The following EPHA4 variants were observed in gnomAD, a reference collection of about 807,000 sequenced individuals.
EPHA4 encodes the protein ephrin type-A receptor 4.
Under a neutral mutation model 108.3 loss-of-function variants are expected in EPHA4, and 19 were observed. The observed-to-expected ratio is 0.18, with a 90% CI of 0.12 to 0.26. EPHA4 has a LOEUF of 0.26. EPHA4 is among the 10% of genes least tolerant of loss of function. The pLI, the probability that EPHA4 is intolerant of heterozygous loss-of-function variation, is 1.00. For missense variants in EPHA4, 917 were observed against 1,254.0 expected (o/e 0.73, Z 4.06); for synonymous variants, 449 against 455.5 (o/e 0.99, Z 0.18).
At position 221,438,677 on chromosome 2, in the gene EPHA4, C is replaced by T. The variant is rs918794791; in HGVS notation, c.2075-1555G>A. ...GTACGCACTTGCAGTCCCAGCTTCT[C>T]GGGAGGCTGAGACAAGAGAATCACT... On this transcript the variant is annotated intron_variant, in intron 11 of 17. Transcript: ENST00000281821. Among the ~76,000 whole-genome samples the T allele has an allele frequency of 3.3e-5, 5 of 151,970 alleles. No individual in the cohort carries two copies. The South Asian group carries it at 6.3e-4, about 19-fold the overall frequency.
intron 5 of EPHA4, among the ~76,000 whole-genome samples, chr2:221,460,335 G>A (rs1691099945): frequency 6.6e-6 from 1 of 152,190 alleles, no homozygotes; most frequent in Non-Finnish European, 1.5e-5. Context: ...GAAAACTGCT[G>A]AGTTGACATT....
At chr2:221,491,274 T>C (rs1037233406) in intron 4 of EPHA4, among the ~76,000 whole-genome samples, 1 of 152,242 alleles carries the variant, frequency 6.6e-6, no homozygotes, top group Non-Finnish European at 1.5e-5. Flanking sequence ...ATTGAGTATT[T>C]CATTTTTAAA....
At chr2:221,486,469 G>A (rs9679138) in intron 4 of EPHA4, among the ~76,000 whole-genome samples, 31,127 of 151,882 alleles carry the variant, frequency 0.2, 3,307 homozygotes, top group East Asian at 0.27. Context: ...AGTGGCTCAC[G>A]CCTATAATCC....
At chr2:221,566,785 A>G (rs1438841048) in intron 2 of EPHA4, among the ~76,000 whole-genome samples, 4 of 149,270 alleles carry the variant, frequency 2.7e-5, no homozygotes, top group Non-Finnish European at 5.9e-5. Flanking sequence ...GAAGAAGAAG[A>G]AGGAGAAGAA....
intron 3 of EPHA4, among the ~76,000 whole-genome samples, chr2:221,524,827 G>A (rs1460700060): frequency 2.0e-5 from 3 of 152,116 alleles, no homozygotes; most frequent in South Asian, 2.1e-4. Flanking sequence ...GCTACGGCAC[G>A]GCTACTGCTC....
At chr2:221,422,346 C>T (rs1261770871) in intron 17 of EPHA4, among the ~76,000 whole-genome samples, 7 of 152,188 alleles carry the variant, frequency 4.6e-5, no homozygotes, top group Non-Finnish European at 8.8e-5. Flanking sequence ...GTGTATTCCA[C>T]GTCCTGCGGA....
At chr2:221,538,424 C>T (rs1279099021) in intron 3 of EPHA4, among the ~76,000 whole-genome samples, 1 of 152,184 alleles carries the variant, frequency 6.6e-6, no homozygotes, top group Non-Finnish European at 1.5e-5. Flanking sequence ...TCTGGAATGA[C>T]TAGCAGCCTA....
chr2:221,434,202 G>A lies in EPHA4; in HGVS notation c.2436C>T (p.Ile812=), dbSNP rs749559340. ...TSASDVWSYG[I]VMWEVMSYGE... ...CGTACGACATCACTTCCCACATAAC[G>A]ATTCCATAGCTCCATACATCACTTG... Residue 812 remains isoleucine (I), a synonymous_variant, in exon 14 of 18, where the codon ATC becomes ATT. Coordinates refer to ENST00000281821, the MANE Select transcript of EPHA4 (RefSeq NM_004438.5). 5.6e-6 allele frequency: 9 copies of A among 1,613,934 alleles called. No individual in the cohort carries two copies. The highest frequency in any genetic ancestry group is 1.6e-4 in the Middle Eastern group (1 of 6,084).
chr2:221,544,263 G>A (rs1399831881), intron 3 of EPHA4, among the ~76,000 whole-genome samples: 1 of 152,170 alleles, frequency 6.6e-6, no homozygotes, highest in East Asian at 1.9e-4. Flanking sequence ...CAGAAACCTT[G>A]ATACAAAGGC....
intron 4 of EPHA4, among the ~76,000 whole-genome samples, chr2:221,491,143 T>C (rs1041501058): frequency 6.6e-6 from 1 of 152,208 alleles, no homozygotes; most frequent in Non-Finnish European, 1.5e-5. Context: ...GTCTTTTTTT[T>C]ACTGGGTTAA....
chr2:221,535,585 C>T (rs1017255430), intron 3 of EPHA4, among the ~76,000 whole-genome samples: 1 of 151,454 alleles, frequency 6.6e-6, no homozygotes, highest in East Asian at 1.9e-4. Flanking sequence ...TTCTTTTTTT[C>T]TGTTTTTTTT....
At chr2:221,478,758 G>A (rs1691732414) in intron 5 of EPHA4, among the ~76,000 whole-genome samples, 1 of 124,212 alleles carries the variant, frequency 8.1e-6, no homozygotes, top group Admixed American at 7.8e-5. Context: ...CTACCTGTCT[G>A]CCTGCACAGA....
chr2:221,436,985 A>T, intron 12 of EPHA4, 76 bp downstream of exon 12: 1 of 1,089,578 alleles, frequency 9.2e-7, no homozygotes. Flanking sequence ...ACCACCGAAC[A>T]CAACAAACAC....
At chr2:221,513,147 C>T (rs1177224482) in intron 3 of EPHA4, among the ~76,000 whole-genome samples, 1 of 152,206 alleles carries the variant, frequency 6.6e-6, no homozygotes, top group Non-Finnish European at 1.5e-5. Flanking sequence ...GAGGTGGGTA[C>T]TGTGGGTATC....
At chr2:221,484,322 C>T (rs556363166) in intron 4 of EPHA4, among the ~76,000 whole-genome samples, 2 of 152,280 alleles carry the variant, frequency 1.3e-5, no homozygotes, top group Admixed American at 1.3e-4. Flanking sequence ...GGGTAATTCA[C>T]TCTCCTTTTC....
chr2:221,468,067 A>C (rs1041279208), intron 5 of EPHA4, among the ~76,000 whole-genome samples: 1 of 152,138 alleles, frequency 6.6e-6, no homozygotes, highest in Non-Finnish European at 1.5e-5. Context: ...AGTGAGATGA[A>C]TCTTCTCACT....
intron 5 of EPHA4, among the ~76,000 whole-genome samples, chr2:221,468,181 G>A (rs1163443817): frequency 6.6e-6 from 1 of 151,732 alleles, no homozygotes; most frequent in Non-Finnish European, 1.5e-5. Context: ...CACCAAATGG[G>A]GGTCTCCATG....
In EPHA4 at chr2:221,501,169, C is replaced by A; in HGVS notation, c.827G>T (p.Cys276Phe). 1 of 1,593,402 alleles carries A rather than the reference C, an allele frequency of 6.3e-7. No individual in the cohort carries two copies. Among genetic ancestry groups the A allele is most frequent in the Admixed American group, 1.8e-5 (1 of 56,144 alleles). Residue 276 changes from cysteine (C) to phenylalanine (F), a missense_variant, in exon 4 of 18, where the codon TGC (cysteine) becomes TTC (phenylalanine). Physicochemically the swap from Cys to Phe is radical, Grantham distance 205. Coordinates refer to ENST00000281821, the MANE Select transcript of EPHA4 (RefSeq NM_004438.5). The part of the protein sequence containing the change: ...HEERSGECQA[C>F]KIGYYKALST... The stretch of plus-strand genomic sequence containing the variant: ...GAGAGCCTTGTAATATCCAATTTTG[C>A]AAGCTGCAGGGAAGAAGAAAAAAAC...
intron 3 of EPHA4, among the ~76,000 whole-genome samples, chr2:221,511,963 C>A (rs1692846125): frequency 6.6e-6 from 1 of 152,144 alleles, no homozygotes; most frequent in African/African-American, 2.4e-5. Context: ...ATACCTAGGG[C>A]TCTACAAATT....
Sources: gnomAD v4.1 joint callset for allele counts (sites outside exome capture counted in the v4.1 genomes callset) on GRCh38, gnomAD v4.1.1 for gene constraint, MANE v1.5 for transcripts, NCBI Gene and HGNC (gene_info 2026-07-23, HGNC 2026-07-21) for gene names.